The following CEP89 variants were observed in gnomAD, a reference collection of about 807,000 sequenced individuals.
CEP89 encodes the protein centrosomal protein of 89 kDa.
A neutral mutation model predicts 97.6 loss-of-function variants in CEP89; 95 were observed. The ratio of observed to expected loss-of-function variants is 0.97; its 90% confidence interval spans 0.82 to 1.15. The LOEUF is 1.15. CEP89 is among the 50% of genes most tolerant of loss of function. The pLI is 0.00. For missense variants in CEP89, 869 were observed against 947.7 expected, an observed-to-expected ratio of 0.92 and a Z score of 1.09; for synonymous variants, 354 against 349.1, an observed-to-expected ratio of 1.01 and a Z score of -0.16.
chr19:32,900,479 G>C (rs1969743087), intron 15 of CEP89, among the ~76,000 whole-genome samples: 1 of 151,932 alleles, frequency 6.6e-6, no homozygotes, highest in African/African-American at 2.4e-5. Flanking sequence ...GGCCAGGCTG[G>C]TCTTGAACTC....
Position 32,879,087 on chromosome 19 carries a change from C to G in CEP89, c.*75G>C. ...ACGCACCTCCGGCTGCCACCATGGG[C>G]TGCCCTGCAGGGAAGGCCTGTGTGA... On this transcript the variant is annotated 3_prime_UTR_variant, in exon 19 of 19. Transcript: ENST00000305768. The G allele has an allele frequency of 4.8e-6, 6 of 1,258,030 alleles. No individual in the cohort carries two copies. Among genetic ancestry groups the G allele is most frequent in the Non-Finnish European group, 6.7e-6 (6 of 898,168 alleles). The allele number at this position is 1,258,030 out of a possible 1,614,324, so 77.9% of individuals were successfully genotyped here.
chr19:32,914,694 TA>T (rs1338520292), intron 14 of CEP89, among the ~76,000 whole-genome samples: 32 of 152,194 alleles, frequency 2.1e-4, no homozygotes, highest in African/African-American at 7.2e-4. Context: ...GGCTCTACTT[TA>T]ATTTACCATT....
chr19:32,913,313 G>T (rs931338348), intron 14 of CEP89, among the ~76,000 whole-genome samples: 218 of 1,244 alleles, frequency 0.18, no homozygotes, highest in Non-Finnish European at 0.16. Flanking sequence ...ATATTTTTTT[G>T]TTGTTGTTGT....
chr19:32,889,247 G>C (rs1363938261), intron 16 of CEP89, among the ~76,000 whole-genome samples: 1 of 152,194 alleles, frequency 6.6e-6, no homozygotes, highest in African/African-American at 2.4e-5. Flanking sequence ...CTGTAGGGAT[G>C]TGTCCACTCC....
chr19:32,941,636 C>T (rs1407832656), intron 5 of CEP89, among the ~76,000 whole-genome samples: 2 of 152,098 alleles, frequency 1.3e-5, no homozygotes, highest in African/African-American at 4.8e-5. Flanking sequence ...GTCAAATGTC[C>T]AGGGGCAGCC....
chr19:32,971,820 G>C lies in CEP89; in HGVS notation c.39+16C>G, dbSNP rs1053208703. ...CCCCACAGAGCCCCACGCGCGGCGG[G>C]CGAGCATCTACTTACGAAATGACTC... On this transcript the variant is annotated intron_variant, in intron 1 of 18. Coordinates refer to ENST00000305768, the MANE Select transcript of CEP89 (RefSeq NM_032816.5). 6.3e-7 allele frequency: 1 copy of C among 1,589,006 alleles called. No individual in the cohort carries two copies. The highest frequency in any genetic ancestry group is 1.4e-5 in the African/African-American group (1 of 73,880).
chr19:32,903,392 GA>G (rs1361231781), intron 14 of CEP89, among the ~76,000 whole-genome samples: 2 of 152,064 alleles, frequency 1.3e-5, no homozygotes, highest in East Asian at 3.9e-4. Flanking sequence ...ATCAGGAGGG[GA>G]AAAAATCAAC....
rs544448317 is a variant in CEP89 at position 32,952,699 on chromosome 19, T to A, written c.492+916A>T. The stretch of plus-strand genomic sequence containing the variant: ...CAGGCGGATCGCTTGAGGTCAGGAG[T>A]TCAAGACCAGCCTAGGCAACATGGA... On this transcript the variant is annotated intron_variant, in intron 4 of 18. Transcript: ENST00000305768. 2.8e-3 allele frequency among the ~76,000 whole-genome samples: 416 copies of A among 148,568 alleles called. 4 individuals are homozygous for A. Among genetic ancestry groups the A allele is most frequent in the Non-Finnish European group, 3.7e-3 (251 of 67,036 alleles).
chr19:32,912,202 CAA>C (rs558318035), intron 14 of CEP89, among the ~76,000 whole-genome samples: 13 of 98,238 alleles, frequency 1.3e-4, no homozygotes, highest in Admixed American at 5.4e-4. Context: ...GACTCTGTCT[CAA>C]AAAAAAAAAA....
chr19:32,902,010 CTGTGTGTGTG>C (rs929591410), intron 14 of CEP89, among the ~76,000 whole-genome samples: 122 of 133,808 alleles, frequency 9.1e-4, no homozygotes, highest in African/African-American at 3.3e-3. Flanking sequence ...CTCTCTCTCT[CTGTGTGTGTG>C]TGTGTGTGTG....
chr19:32,884,873 T>A (rs926873667), intron 17 of CEP89, among the ~76,000 whole-genome samples: 6 of 152,124 alleles, frequency 3.9e-5, no homozygotes, highest in African/African-American at 1.4e-4. Flanking sequence ...CTAATTCCAC[T>A]ATTTAGGAAT....
At chr19:32,882,856 T>C (rs1212480860) in intron 17 of CEP89, among the ~76,000 whole-genome samples, 2 of 151,220 alleles carry the variant, frequency 1.3e-5, no homozygotes, top group Non-Finnish European at 2.9e-5. Flanking sequence ...CCTGTGAGCA[T>C]TTTTTTTCTT....
At chr19:32,952,431 G>A (rs1232860602) in intron 4 of CEP89, among the ~76,000 whole-genome samples, 1 of 150,730 alleles carries the variant, frequency 6.6e-6, no homozygotes, top group African/African-American at 2.4e-5. Context: ...TAATGAGCTA[G>A]GATCGTGCCA....
chr19:32,898,298 T>C (rs1378678886), intron 16 of CEP89, among the ~76,000 whole-genome samples: 2 of 152,076 alleles, frequency 1.3e-5, no homozygotes, highest in Non-Finnish European at 2.9e-5. Context: ...AAATATGGCA[T>C]GTACTCATTC....
At chr19:32,924,367 G>A (rs1411455177) in intron 11 of CEP89, among the ~76,000 whole-genome samples, 1 of 152,122 alleles carries the variant, frequency 6.6e-6, no homozygotes, top group Non-Finnish European at 1.5e-5. Context: ...AGCTTCACTG[G>A]CCATTAGCCA....
At chr19:32,968,434 G>A (rs182941997) in intron 1 of CEP89, among the ~76,000 whole-genome samples, 2 of 152,302 alleles carry the variant, frequency 1.3e-5, no homozygotes, top group Non-Finnish European at 2.9e-5. Context: ...TTTTGGTAGA[G>A]ATGGGGTTTT....
At chr19:32,939,802 T>G (rs1193987455) in intron 6 of CEP89, 55 bp downstream of exon 6, 19 of 831,902 alleles carry the variant, frequency 2.3e-5, no homozygotes, top group Middle Eastern at 2.4e-4. Flanking sequence ...TATGAAAAAT[T>G]ATGATAAAAA....
intron 2 of CEP89, among the ~76,000 whole-genome samples, chr19:32,965,737 T>C (rs28633771): frequency 0.15 from 21,954 of 146,282 alleles, 1,973 homozygotes; most frequent in Non-Finnish European, 0.21. Context: ...GAAAATGGGC[T>C]GGGTGCGGAG....
chr19:32,971,658 TAAAAAAA>T (rs34358164), intron 1 of CEP89, 171 bp downstream of exon 1: 3 of 590,640 alleles, frequency 5.1e-6, no homozygotes, highest in Non-Finnish European at 8.9e-6. Flanking sequence ...CCCTGTTTCT[TAAAAAAA>T]AAAAAAAAAG....
Sources: allele counts gnomAD v4.1 joint callset (sites outside exome capture counted in the v4.1 genomes callset), GRCh38; gene constraint gnomAD v4.1.1; transcripts MANE v1.5; gene names NCBI Gene and HGNC (gene_info 2026-07-23, HGNC 2026-07-21).